SIK3: variants seen among roughly 807,000 people sequenced by gnomAD.
SIK3 encodes serine/threonine-protein kinase SIK3.
SIK3 carries 28 observed loss-of-function variants against 144.2 expected under a neutral mutation model. The observed-to-expected ratio is 0.19, with a 90% CI of 0.14 to 0.27. The LOEUF (loss-of-function observed/expected upper bound fraction) is 0.27. SIK3 is among the 10% of genes least tolerant of loss of function. The pLI is 1.00. For missense variants in SIK3, 1,319 were observed against 1,776.0 expected, an observed-to-expected ratio of 0.74 and a Z score of 4.62; for synonymous variants, 686 against 676.3, an observed-to-expected ratio of 1.01 and a Z score of -0.22.
At chr11:116,926,231 G>A (rs1361461732) in intron 4 of SIK3, among the ~76,000 whole-genome samples, 2 of 152,258 alleles carry the variant, frequency 1.3e-5, no homozygotes, top group Non-Finnish European at 2.9e-5. Context: ...GGGGATACAC[G>A]ATGCTATACC....
At chr11:116,999,385 T>A (rs1950775602) in intron 1 of SIK3, among the ~76,000 whole-genome samples, 1 of 152,176 alleles carries the variant, frequency 6.6e-6, no homozygotes. Context: ...CTTCAATTCT[T>A]TCTAAAAAAA....
chr11:116,961,944 T>C (rs1186922172), intron 1 of SIK3, among the ~76,000 whole-genome samples: 2 of 152,340 alleles, frequency 1.3e-5, no homozygotes, highest in Admixed American at 1.3e-4. Context: ...TTATTCATTC[T>C]ATGAGAGGAA....
At chr11:117,071,782 AT>A (rs57735255) in intron 1 of SIK3, among the ~76,000 whole-genome samples, 9,535 of 105,518 alleles carry the variant, frequency 0.09, 427 homozygotes, top group African/African-American at 0.18. Flanking sequence ...TGCTTGGTTA[AT>A]TTTTTTTTTT....
At chr11:116,871,304 C>CA (rs994990012) in intron 13 of SIK3, among the ~76,000 whole-genome samples, 5 of 152,110 alleles carry the variant, frequency 3.3e-5, no homozygotes, top group Admixed American at 3.3e-4. Flanking sequence ...CAAAACAAAA[C>CA]AAAACACTCC....
At chr11:116,993,672 G>A (rs1031682239) in intron 1 of SIK3, among the ~76,000 whole-genome samples, 4 of 152,104 alleles carry the variant, frequency 2.6e-5, no homozygotes, top group African/African-American at 7.2e-5. Flanking sequence ...AGAGGAAGAG[G>A]GGCTGAACAG....
intron 1 of SIK3, among the ~76,000 whole-genome samples, chr11:116,964,592 T>C (rs1949457329): frequency 6.6e-6 from 1 of 152,230 alleles, no homozygotes; most frequent in African/African-American, 2.4e-5. Flanking sequence ...ATTTAAAATG[T>C]ATAGCACTCC....
At chr11:116,901,159 C>A (rs113069259) in intron 4 of SIK3, among the ~76,000 whole-genome samples, 14,995 of 152,230 alleles carry the variant, frequency 0.099, 988 homozygotes, top group Middle Eastern at 0.17. Context: ...GCCACTGCGC[C>A]CAGCCTCTGC....
In SIK3 at chr11:116,978,185, T is replaced by C. The variant is rs1052001706; in HGVS notation, c.274-21121A>G. Reference sequence around the variant, plus strand: ...GTGAGCCGAAATCGCACCACTGCACTCCAGCCTTGGTGACAGAGACTCCGT... The same window carrying C: ...GTGAGCCGAAATCGCACCACTGCACCCCAGCCTTGGTGACAGAGACTCCGT... On this transcript the variant is annotated intron_variant, in intron 1 of 24. Transcript: ENST00000445177. Among the ~76,000 whole-genome samples, 5 of 151,646 alleles carry C rather than the reference T, an allele frequency of 3.3e-5. No individual in the cohort carries two copies. The East Asian group carries it at 9.7e-4, about 29-fold the overall frequency.
At position 116,975,380 on chromosome 11, in the gene SIK3, C is replaced by A. The variant is rs983285005; in HGVS notation, c.274-18316G>T. The stretch of plus-strand genomic sequence containing the variant: ...TCATTCCCCCACTCCTATCCCTCCA[C>A]CAGCCCTAGGCAACCACTAATCCAC... On this transcript the variant is annotated intron_variant, in intron 1 of 24. Transcript: ENST00000445177. Among the ~76,000 whole-genome samples, 3 of 152,096 alleles carry A rather than the reference C, an allele frequency of 2.0e-5. No individual in the cohort carries two copies. The South Asian group carries it at 6.2e-4, about 32-fold the overall frequency.
chr11:116,982,133 C>A (rs1950159834), intron 1 of SIK3, among the ~76,000 whole-genome samples: 1 of 152,088 alleles, frequency 6.6e-6, no homozygotes. Flanking sequence ...AAGACTTGCA[C>A]CCTCCAGGGT....
At chr11:117,013,967 C>CTTTTTTT (rs1951406146) in intron 1 of SIK3, among the ~76,000 whole-genome samples, 18 of 7,344 alleles carry the variant, frequency 2.5e-3, no homozygotes, top group African/African-American at 5.4e-3. Context: ...TTCTTTTTTT[C>CTTTTTTT]TTTTCTTTTT....
At chr11:116,884,470 G>A (rs760891623) in intron 6 of SIK3, among the ~76,000 whole-genome samples, 2 of 150,790 alleles carry the variant, frequency 1.3e-5, no homozygotes, top group African/African-American at 4.9e-5. Context: ...CCTCATAAAC[G>A]ATAATATGCC....
chr11:117,027,692 C>A (rs1163473979), intron 1 of SIK3, among the ~76,000 whole-genome samples: 2 of 151,896 alleles, frequency 1.3e-5, no homozygotes, highest in African/African-American at 4.8e-5. Flanking sequence ...GTCCTGAACT[C>A]CTGACCTCAG....
At chr11:116,909,349 A>G (rs182058833) in intron 4 of SIK3, among the ~76,000 whole-genome samples, 16 of 152,174 alleles carry the variant, frequency 1.1e-4, no homozygotes, top group Non-Finnish European at 2.2e-4. Flanking sequence ...AGTAGAGCAC[A>G]TAAGTGATTA....
At chr11:117,092,231 C>T (rs1283666918) in intron 1 of SIK3, among the ~76,000 whole-genome samples, 1 of 152,156 alleles carries the variant, frequency 6.6e-6, no homozygotes, top group Non-Finnish European at 1.5e-5. Context: ...CTTTTCCCAT[C>T]CTTCCACTTG....
At chr11:116,876,514 A>C (rs1451407396) in intron 7 of SIK3, 151 bp from the exon 8 acceptor site, 1 of 681,504 alleles carries the variant, frequency 1.5e-6, no homozygotes, top group African/African-American at 1.8e-5. Flanking sequence ...CTGAGTGATC[A>C]GCTGTAAACA....
rs1309082246 is a variant in SIK3, at chr11:117,098,317, C to A, written c.99G>T (p.Gly33=). Residue 33 remains glycine, a synonymous_variant, in exon 1 of 25, where the codon GGG becomes GGT. Transcript: ENST00000445177. ...ACACGGCAGCGGGGGCGGCTGGGGACCCCGGCGCGGGCGGAGGCAGCAGGC... is the reference window on the plus strand; with the variant it reads ...ACACGGCAGCGGGGGCGGCTGGGGAACCCGGCGCGGGCGGAGGCAGCAGGC... ...AGRLLPPPAP[G]SPAAPAAVSP... is the part of the protein sequence containing the mutation. 22 of 1,160,630 alleles carry A rather than the reference C, an allele frequency of 1.9e-5. No individual in the cohort carries two copies. Among genetic ancestry groups the A allele is most frequent in the Non-Finnish European group, 2.3e-5 (22 of 945,582 alleles). 71.9% of individuals were successfully genotyped at this position (1,160,630 alleles called of 1,614,324 possible). A position where few individuals can be genotyped will look rare whatever the true frequency, so the allele number is the denominator to read the frequency against.
At chr11:117,012,989 C>G (rs1359048435) in intron 1 of SIK3, among the ~76,000 whole-genome samples, 1 of 151,388 alleles carries the variant, frequency 6.6e-6, no homozygotes, top group Non-Finnish European at 1.5e-5. Context: ...GTAGCTGGGA[C>G]TACAAGCGCC....
intron 1 of SIK3, among the ~76,000 whole-genome samples, chr11:116,994,819 A>C (rs539815605): frequency 3.3e-5 from 5 of 152,264 alleles, no homozygotes; most frequent in African/African-American, 4.8e-5. Flanking sequence ...TACCAACCCC[A>C]AAACAATCTG....
Sources: allele counts gnomAD v4.1 joint callset (sites outside exome capture counted in the v4.1 genomes callset), GRCh38; gene constraint gnomAD v4.1.1; transcripts MANE v1.5; gene names NCBI Gene and HGNC (gene_info 2026-07-23, HGNC 2026-07-21).